Variants in OMD observed in about 807,000 individuals in gnomAD.
OMD encodes KSPG osteomodulin.
OMD carries 19 observed loss-of-function variants against 31.2 expected under a neutral mutation model. That is an observed-to-expected ratio of 0.61 (90% CI 0.42 to 0.89). The LOEUF (loss-of-function observed/expected upper bound fraction) is 0.89, where lower values mean the gene tolerates loss of function less well. Among genes scored for constraint, OMD ranks in the 40% least tolerant of loss-of-function variants. The probability of loss-of-function intolerance (pLI) is 0.00; values close to 1 mark genes in which losing one functional copy is unlikely to be tolerated. For missense variants in OMD, 448 were observed against 490.8 expected (o/e 0.91, Z 0.82); for synonymous variants, 155 against 166.4 (o/e 0.93, Z 0.53).
chr9:92,418,093 C>G (rs3118008), intron 1 of OMD, among the ~76,000 whole-genome samples: 2 of 150,904 alleles, frequency 1.3e-5, no homozygotes, highest in African/African-American at 4.9e-5. Context: ...TTTTCTTTTT[C>G]TTTTTATTTT....
rs1276941926 is a variant in OMD, at chr9:92,416,751, G to A, written c.808C>T (p.Gln270Ter). The change falls in exon 2 of 3, where the codon CAA becomes TAA. Residue 270 changes from glutamine to a stop codon, truncating the protein, a stop_gained. Coordinates refer to ENST00000375550, the MANE Select transcript of OMD (RefSeq NM_005014.3). LOFTEE classifies it high-confidence loss of function. ...TTAAAAATATTATATGGGATGTCTT[G>A]TAGTTTGTTGTGTGACATTCTTAGA... ...HTLRMSHNKLQDIPYNIFNLP... is the reference protein window; with the variant it reads ...HTLRMSHNKL 7 of 1,613,482 alleles carry A rather than the reference G, an allele frequency of 4.3e-6. No individual in the cohort carries two copies. Among genetic ancestry groups the A allele is most frequent in the Admixed American group, 1.7e-5 (1 of 60,000 alleles).
rs915433380 is a variant in OMD, at chr9:92,412,675, C to T, written c.*2477G>A. On this transcript the variant is annotated 3_prime_UTR_variant, in exon 3 of 3. Transcript: ENST00000375550. ...GTTTTCAAGGTTATCCATGTTGTAG[C>T]ATATGTCAGTGCTTCGTTACTTTTT... Among the ~76,000 whole-genome samples the T allele has an allele frequency of 5.3e-5, 8 of 152,150 alleles. No individual in the cohort carries two copies. The highest frequency in any genetic ancestry group is 1.9e-4 in the African/African-American group (8 of 41,438).
intron 2 of OMD, 152 bp from the exon 3 acceptor site, chr9:92,415,629 A>C: frequency 2.7e-6 from 1 of 375,088 alleles, no homozygotes; most frequent in Non-Finnish European, 4.6e-6. Flanking sequence ...ATATTAATCA[A>C]ATAATAAAAA....
intron 1 of OMD, among the ~76,000 whole-genome samples, chr9:92,420,635 G>A (rs779455201): frequency 1.7e-4 from 26 of 152,108 alleles, no homozygotes; most frequent in Admixed American, 2.6e-4. Context: ...TTTGGGTGAT[G>A]ACCTTGCTTC....
In OMD at chr9:92,416,021, TA is replaced by T. The variant is rs1415493203; in HGVS notation, c.941-545del. Among the ~76,000 whole-genome samples, 3 of 141,246 alleles carry T rather than the reference TA, an allele frequency of 2.1e-5. No homozygotes were observed. In the East Asian group the frequency reaches 6.1e-4, roughly 29 times the overall value. 92.7% of individuals were successfully genotyped at this position (141,246 alleles called of 152,430 possible). A position where few individuals can be genotyped will look rare whatever the true frequency, so the allele number is the denominator to read the frequency against. On this transcript the variant is annotated intron_variant, in intron 2 of 2. Transcript: ENST00000375550. ...AGTTATATATATAAAAGAGAATATATATTTTTTATATATAAATAAATATATT... is the reference window on the plus strand; with the variant it reads ...AGTTATATATATAAAAGAGAATATATTTTTTTATATATAAATAAATATATT...
rs115308239 is a variant in OMD at position 92,424,364 on chromosome 9, A to G, written c.-179T>C. The G allele has an allele frequency of 1.7e-3, 259 of 152,282 alleles. No individual in the cohort carries two copies. The highest frequency in any genetic ancestry group is 5.7e-3 in the African/African-American group (236 of 41,566). 9.4% of individuals were successfully genotyped at this position (152,282 alleles called of 1,614,324 possible). On this transcript the variant is annotated 5_prime_UTR_variant, in exon 1 of 3. Coordinates refer to ENST00000375550, the MANE Select transcript of OMD (RefSeq NM_005014.3). ...TACTGTAGCAATTTAAGCAAATACA[A>G]TCTTCTTGGAAAACACTCGGGTTGA...
chr9:92,417,510 T>G lies in OMD; in HGVS notation c.49A>C (p.Lys17Gln). The change falls in exon 2 of 3, where the codon AAA becomes CAA. Residue 17 changes from lysine to glutamine, a missense_variant. By Grantham distance (53) the Lys-to-Gln change is moderately conservative. Coordinates refer to ENST00000375550, the MANE Select transcript of OMD (RefSeq NM_005014.3). ...TAAGTTTCATATTGGCAATGTACTT[T>G]GACTCCAAAAAAGAAGAAAATAACA... ...IYVIFFFFGV[K>Q]VHCQYETYQW... The G allele has an allele frequency of 6.2e-7, 1 of 1,609,814 alleles. No individual in the cohort carries two copies. Among genetic ancestry groups the G allele is most frequent in the African/African-American group, 1.3e-5 (1 of 74,720 alleles).
At chr9:92,420,811 T>G (rs1451260404) in intron 1 of OMD, among the ~76,000 whole-genome samples, 1 of 152,160 alleles carries the variant, frequency 6.6e-6, no homozygotes, top group Non-Finnish European at 1.5e-5. Context: ...TTTGTGCAAC[T>G]CTATATTACA....
At chr9:92,418,378 C>T (rs1265827777) in intron 1 of OMD, among the ~76,000 whole-genome samples, 2 of 151,794 alleles carry the variant, frequency 1.3e-5, no homozygotes, top group African/African-American at 2.4e-5. Flanking sequence ...TGAGCCACTG[C>T]GCCTGGCCGA....
At chr9:92,417,924 C>T (rs780393062) in intron 1 of OMD, among the ~76,000 whole-genome samples, 14 of 151,878 alleles carry the variant, frequency 9.2e-5, no homozygotes, top group Non-Finnish European at 1.3e-4. Context: ...GACAAGGTTT[C>T]GTTGTGTTGC....
chr9:92,415,292 T>C lies in OMD; in HGVS notation c.1126A>G (p.Lys376Glu). The C allele has an allele frequency of 1.9e-6, 3 of 1,613,758 alleles. No individual in the cohort carries two copies. Among genetic ancestry groups the C allele is most frequent in the Non-Finnish European group, 2.5e-6 (3 of 1,179,800 alleles). The stretch of plus-strand genomic sequence containing the variant: ...GGAAATCTCCTGAAAACTTGTGTCT[T>C]TAGTTGTATTGTTTGACCATTAGTG... ...RSTNGQTIQL[K>E]TQVFRRFPDD... The change falls in exon 3 of 3, where the codon AAG becomes GAG. Residue 376 changes from lysine (K) to glutamate (E), a missense_variant. Lys to Glu is a moderately conservative substitution (Grantham distance 56). Transcript: ENST00000375550.
intron 1 of OMD, among the ~76,000 whole-genome samples, chr9:92,420,207 C>G (rs759980635): frequency 6.6e-6 from 1 of 152,156 alleles, no homozygotes; most frequent in Non-Finnish European, 1.5e-5. Flanking sequence ...GTAGTAACTC[C>G]AGCTGCAATA....
At chr9:92,420,757 G>T (rs553895008) in intron 1 of OMD, among the ~76,000 whole-genome samples, 10 of 145,240 alleles carry the variant, frequency 6.9e-5, no homozygotes, top group Admixed American at 4.8e-4. Flanking sequence ...TTTTGTTTTT[G>T]TTTTTTTTTT....
intron 1 of OMD, among the ~76,000 whole-genome samples, 189 bp downstream of exon 1, chr9:92,424,013 T>C (rs1448467780): frequency 6.6e-6 from 1 of 152,188 alleles, no homozygotes; most frequent in Non-Finnish European, 1.5e-5. Context: ...TTAAACTCAT[T>C]ATACTACTTT....
intron 1 of OMD, among the ~76,000 whole-genome samples, chr9:92,422,790 A>G (rs767922845): frequency 6.6e-6 from 1 of 152,168 alleles, no homozygotes; most frequent in Non-Finnish European, 1.5e-5. Context: ...TGTTACAACA[A>G]TCTCTTATTT....
chr9:92,415,188 C>T lies in OMD; in HGVS notation c.1230G>A (p.Gly410=), dbSNP rs1395366894. The change falls in exon 3 of 3, where the codon GGG becomes GGA. Residue 410 remains glycine (G), a synonymous_variant. Coordinates refer to ENST00000375550, the MANE Select transcript of OMD (RefSeq NM_005014.3). ...TTTCATAATAATGAAGGTCAAAGTG[C>T]CCTTCTGCTCCTTCTTGTTCTGGGC... ...HESPEQEGAE[G]HFDLHYYENQ... The T allele has an allele frequency of 6.2e-7, 1 of 1,611,370 alleles. No homozygotes were observed. Among genetic ancestry groups the T allele is most frequent in the African/African-American group, 1.3e-5 (1 of 74,772 alleles).
chr9:92,417,562 C>T lies in OMD; in HGVS notation c.-4G>A, dbSNP rs1379883566. ...ATATTGGACTTAAAAAACCCATCTT[C>T]TTTTTTTTTTTCCTATTGCAAGGAG... On this transcript the variant is annotated 5_prime_UTR_variant, in exon 2 of 3. Coordinates refer to ENST00000375550, the MANE Select transcript of OMD (RefSeq NM_005014.3). The T allele has an allele frequency of 8.2e-6, 10 of 1,216,522 alleles. No individual in the cohort carries two copies. Among genetic ancestry groups the T allele is most frequent in the African/African-American group, 6.3e-5 (4 of 63,126 alleles). The allele number at this position is 1,216,522 out of a possible 1,614,324, so 75.4% of individuals were successfully genotyped here. A position where few individuals can be genotyped will look rare whatever the true frequency, so the allele number is the denominator to read the frequency against.
rs982763613 is a variant in OMD, at chr9:92,415,203, T to G, written c.1215A>C (p.Gln405His). The change falls in exon 3 of 3, where the codon CAA becomes CAC. Residue 405 changes from glutamine (Q) to histidine (H), a missense_variant. Transcript: ENST00000375550. ...DPDNAHESPE[Q>H]EGAEGHFDLH... The stretch of plus-strand genomic sequence containing the variant: ...GGTCAAAGTGCCCTTCTGCTCCTTC[T>G]TGTTCTGGGCTCTCATGAGCATTGT... The G allele has an allele frequency of 1.7e-5, 27 of 1,613,754 alleles. No individual in the cohort carries two copies. Among genetic ancestry groups the G allele is most frequent in the Non-Finnish European group, 2.1e-5 (25 of 1,179,864 alleles).
rs72752463 is a variant in OMD, at chr9:92,413,821, G to A, written c.*1331C>T. Among the ~76,000 whole-genome samples the A allele has an allele frequency of 0.031, 4,673 of 152,194 alleles. 113 individuals are homozygous for A. The highest frequency in any genetic ancestry group is 0.083 in the South Asian group (403 of 4,828). ...TTGAGGTTGTCCCTGGGAACAGGTG[G>A]GCGTTCTGGTTCTGATAATGCTAAT... is the stretch of plus-strand genomic sequence containing the variant. On this transcript the variant is annotated 3_prime_UTR_variant, in exon 3 of 3. Transcript: ENST00000375550.
Sources: gnomAD v4.1 joint callset for allele counts (sites outside exome capture counted in the v4.1 genomes callset) on GRCh38, gnomAD v4.1.1 for gene constraint, MANE v1.5 for transcripts, NCBI Gene and HGNC (gene_info 2026-07-23, HGNC 2026-07-21) for gene names.